Variants in HTR4 observed in about 807,000 individuals in gnomAD.
HTR4 encodes the protein 5-hydroxytryptamine receptor 4, also known as 5-hydroxytryptamine (serotonin) receptor 4, G protein-coupled.
Under a neutral mutation model 36.8 loss-of-function variants are expected in HTR4, and 16 were observed. That is an observed-to-expected ratio of 0.43 (90% CI 0.29 to 0.66). The LOEUF is 0.66. Among genes scored for constraint, HTR4 ranks in the 30% least tolerant of loss-of-function variants. HTR4 has a pLI of 0.13. For missense variants in HTR4, 438 were observed against 490.9 expected, an observed-to-expected ratio of 0.89 and a Z score of 1.02; for synonymous variants, 189 against 185.1, an observed-to-expected ratio of 1.02 and a Z score of -0.17.
At chr5:148,500,930 T>A (rs1051881187) in intron 6 of HTR4, among the ~76,000 whole-genome samples, 2 of 152,134 alleles carry the variant, frequency 1.3e-5, no homozygotes, top group African/African-American at 4.8e-5. Context: ...TGTGTTAGGA[T>A]GCCAATATTA....
At chr5:148,511,619 T>TTGTGTGTGTG (rs529668445) in intron 5 of HTR4, among the ~76,000 whole-genome samples, 2,596 of 139,292 alleles carry the variant, frequency 0.019, 74 homozygotes, top group African/African-American at 0.052. Context: ...TTGTGGAAGT[T>TTGTGTGTGTG]TGTGTGTGTG....
intron 2 of HTR4, among the ~76,000 whole-genome samples, chr5:148,620,141 G>T (rs1378638110): frequency 6.6e-6 from 1 of 152,202 alleles, no homozygotes; most frequent in Non-Finnish European, 1.5e-5. Flanking sequence ...ACCTGCACCA[G>T]ACCCAGTGAG....
chr5:148,456,353 A>G (rs1261332863), intron 5 of HTR4, among the ~76,000 whole-genome samples: 1 of 152,138 alleles, frequency 6.6e-6, no homozygotes, highest in Non-Finnish European at 1.5e-5. Context: ...TCATGTACAC[A>G]CCGCTGTTGC....
chr5:148,483,538 T>A (rs1372077226), intron 6 of HTR4, among the ~76,000 whole-genome samples: 2 of 152,372 alleles, frequency 1.3e-5, no homozygotes, highest in East Asian at 3.9e-4. Context: ...CTGATGGACC[T>A]ATTACGCCTA....
At chr5:148,613,585 G>C (rs1432006497) in intron 2 of HTR4, among the ~76,000 whole-genome samples, 1 of 150,032 alleles carries the variant, frequency 6.7e-6, no homozygotes, top group Non-Finnish European at 1.5e-5. Context: ...TACTGAATGG[G>C]CAAAAACTGG....
intron 2 of HTR4, among the ~76,000 whole-genome samples, chr5:148,632,197 TA>T (rs1753347033): frequency 6.6e-6 from 1 of 152,180 alleles, no homozygotes; most frequent in Admixed American, 6.5e-5. Context: ...GAAAATATAG[TA>T]AAGGCTTGTT....
chr5:148,514,847 A>T (rs1476821106), intron 5 of HTR4, among the ~76,000 whole-genome samples: 1 of 152,088 alleles, frequency 6.6e-6, no homozygotes, highest in Non-Finnish European at 1.5e-5. Flanking sequence ...GAGTAACACC[A>T]ACTTTCCTTG....
chr5:148,477,121 TC>T (rs2113710266), downstream of HTR4, among the ~76,000 whole-genome samples: 1 of 152,288 alleles, frequency 6.6e-6, no homozygotes, highest in Non-Finnish European at 1.5e-5. Flanking sequence ...AGAGCCTAAT[TC>T]CCCAATCCAG....
chr5:148,633,656 A>G (rs1210974423), intron 2 of HTR4, among the ~76,000 whole-genome samples: 1 of 151,832 alleles, frequency 6.6e-6, no homozygotes, highest in Non-Finnish European at 1.5e-5. Flanking sequence ...CACCGTATTA[A>G]ATACTTTAGT....
At chr5:148,528,664 A>G (rs576666549) in intron 4 of HTR4, among the ~76,000 whole-genome samples, 1 of 152,202 alleles carries the variant, frequency 6.6e-6, no homozygotes, top group Non-Finnish European at 1.5e-5. Context: ...TGATAACTTG[A>G]CTTTTATATA....
intron 5 of HTR4, among the ~76,000 whole-genome samples, chr5:148,511,646 T>C (rs60291954): frequency 0.014 from 2,127 of 151,918 alleles, 50 homozygotes; most frequent in African/African-American, 0.048. Context: ...TGTGTGTGTG[T>C]GTGTGTGTGT....
chr5:148,523,112 A>G lies in HTR4; in HGVS notation c.507+81T>C. 3 of 1,294,342 alleles carry G rather than the reference A, an allele frequency of 2.3e-6. No individual in the cohort carries two copies. The South Asian group carries it at 4.1e-5, about 18-fold the overall frequency. 80.2% of individuals were successfully genotyped at this position (1,294,342 alleles called of 1,614,324 possible). On this transcript the variant is annotated intron_variant, in intron 5 of 6. Coordinates refer to ENST00000377888, the MANE Select transcript of HTR4 (RefSeq NM_000870.7). The stretch of plus-strand genomic sequence containing the variant: ...CACTATCAGATTCTTAGAATACTCA[A>G]TCTAATATTATTTATTCATTTAGGA...
chr5:148,496,463 G>A (rs1467079110), intron 6 of HTR4, among the ~76,000 whole-genome samples: 6 of 152,198 alleles, frequency 3.9e-5, no homozygotes, highest in South Asian at 2.1e-4. Context: ...CACAGAGAGC[G>A]CTAAAAGAAA....
chr5:148,608,386 G>A (rs373964855), intron 2 of HTR4, among the ~76,000 whole-genome samples: 5 of 152,116 alleles, frequency 3.3e-5, no homozygotes, highest in South Asian at 2.1e-4. Flanking sequence ...AGGCTTTGGT[G>A]GTCCACAAAA....
At position 148,550,148 on chromosome 5, in the gene HTR4, G is replaced by C; in HGVS notation, c.141C>G (p.Asp47Glu). 6.2e-7 allele frequency: 1 copy of C among 1,614,004 alleles called. No individual in the cohort carries two copies. The highest frequency in any genetic ancestry group is 8.5e-7 in the Non-Finnish European group (1 of 1,179,984). The change falls in exon 3 of 7, where the codon GAC (aspartate) becomes GAG (glutamate). Residue 47 changes from aspartate to glutamate, a missense_variant. Transcript: ENST00000377888. ...NLLVMVAVCW[D>E]RQLRKIKTNY... Reference sequence around the variant, plus strand: ...CTCCTGCTGCTCACCTGAGCTGCCTGTCCCAGCACACAGCCACCATCACCA... The same window carrying C: ...CTCCTGCTGCTCACCTGAGCTGCCTCTCCCAGCACACAGCCACCATCACCA...
chr5:148,588,527 CTTTTTT>C (rs35749777), intron 2 of HTR4, among the ~76,000 whole-genome samples: 1 of 110,138 alleles, frequency 9.1e-6, no homozygotes, highest in African/African-American at 3.6e-5. Flanking sequence ...GGTTTTAATT[CTTTTTT>C]TTTTTTTTTT....
intron 6 of HTR4, among the ~76,000 whole-genome samples, chr5:148,504,455 G>A (rs572335356): frequency 6.6e-6 from 1 of 152,284 alleles, no homozygotes; most frequent in Admixed American, 6.5e-5. Flanking sequence ...TGAGAACAAA[G>A]ACATGACATA....
chr5:148,459,460 T>A (rs959272645), intron 5 of HTR4, among the ~76,000 whole-genome samples: 1 of 152,142 alleles, frequency 6.6e-6, no homozygotes, highest in Admixed American at 6.5e-5. Context: ...CTAGCCCAGC[T>A]GACCTTGGGG....
At chr5:148,549,286 C>T (rs530642674) in intron 3 of HTR4, among the ~76,000 whole-genome samples, 1 of 152,306 alleles carries the variant, frequency 6.6e-6, no homozygotes, top group East Asian at 1.9e-4. Context: ...GAAACTCTCC[C>T]AAGGTATGCC....
Sources: gnomAD v4.1 joint callset for allele counts (sites outside exome capture counted in the v4.1 genomes callset) on GRCh38, gnomAD v4.1.1 for gene constraint, MANE v1.5 for transcripts, NCBI Gene and HGNC (gene_info 2026-07-23, HGNC 2026-07-21) for gene names.